MARCHF1: variants seen among roughly 807,000 people sequenced by gnomAD.
MARCHF1 encodes the protein membrane associated ring-CH-type finger 1.
In MARCHF1, 40 loss-of-function variants were observed where a neutral mutation model predicts 54.2. The ratio of observed to expected loss-of-function variants is 0.74; its 90% CI spans 0.57 to 0.96. The LOEUF (loss-of-function observed/expected upper bound fraction) is 0.96. MARCHF1 is among the 40% of genes least tolerant of loss of function. The pLI is 0.00. For missense variants in MARCHF1, 586 were observed against 656.5 expected (o/e 0.89, Z 1.17); for synonymous variants, 236 against 236.3 (o/e 1.00, Z 0.01).
intron 3 of MARCHF1, among the ~76,000 whole-genome samples, chr4:163,900,336 G>T (rs1750910934): frequency 1.4e-5 from 2 of 143,382 alleles, no homozygotes; most frequent in African/African-American, 5.1e-5. Context: ...CAGAGTATAG[G>T]TCCTTTTTTT....
intron 3 of MARCHF1, among the ~76,000 whole-genome samples, chr4:163,896,552 C>G (rs145089910): frequency 6.6e-6 from 1 of 152,082 alleles, no homozygotes; most frequent in East Asian, 1.9e-4. Flanking sequence ...TGTCCCTCTA[C>G]GACACTTCTT....
intron 2 of MARCHF1, among the ~76,000 whole-genome samples, chr4:164,040,496 A>G (rs1754105592): frequency 6.7e-6 from 1 of 149,452 alleles, no homozygotes; most frequent in East Asian, 1.9e-4. Flanking sequence ...ATAGATATAA[A>G]AATATTTTTA....
rs1320692242 is a variant in MARCHF1, at chr4:164,091,409, T to TA, written c.-248+20178_-248+20179insT. ...CAACAGGGGATAATTTTCACCAAGTTTTATATATATATATATATATGTATA... is the reference window on the plus strand; with the variant it reads ...CAACAGGGGATAATTTTCACCAAGTTATTATATATATATATATATATGTATA... On this transcript the variant is annotated intron_variant, in intron 2 of 9. Transcript: ENST00000514618. 6.5e-3 allele frequency among the ~76,000 whole-genome samples: 428 copies of TA among 66,138 alleles called. 3 individuals are homozygous for TA. The highest frequency in any genetic ancestry group is 0.02 in the African/African-American group (408 of 20,370). 43.4% of individuals were successfully genotyped at this position (66,138 alleles called of 152,430 possible). A position where few individuals can be genotyped will look rare whatever the true frequency, so the allele number is the denominator to read the frequency against.
At chr4:164,268,765 A>C (rs1733673003) in intron 1 of MARCHF1, among the ~76,000 whole-genome samples, 1 of 152,182 alleles carries the variant, frequency 6.6e-6, no homozygotes, top group Admixed American at 6.6e-5. Flanking sequence ...AAAAAGAATC[A>C]CACATTGATC....
chr4:164,151,309 A>G lies in MARCHF1; in HGVS notation c.-322-39647T>C, dbSNP rs143827640. Among the ~76,000 whole-genome samples, 1,317 of 152,302 alleles carry G rather than the reference A, an allele frequency of 8.6e-3. 22 individuals are homozygous for G. Among genetic ancestry groups the G allele is most frequent in the African/African-American group, 0.03 (1,237 of 41,560 alleles). On this transcript the variant is annotated intron_variant, in intron 1 of 9. Transcript: ENST00000514618. ...ATTTGAATTTTGAAAGATTGGTTGCAAGTCCATTTGTTCATTAAGTTCAAA... is the reference window on the plus strand; with the variant it reads ...ATTTGAATTTTGAAAGATTGGTTGCGAGTCCATTTGTTCATTAAGTTCAAA...
chr4:164,375,331 A>C (rs1349589485), intron 1 of MARCHF1, among the ~76,000 whole-genome samples: 1 of 152,216 alleles, frequency 6.6e-6, no homozygotes, highest in Non-Finnish European at 1.5e-5. Context: ...ATAACTAGCA[A>C]AAATATATAA....
chr4:163,552,659 C>G (rs1267681989), intron 8 of MARCHF1, among the ~76,000 whole-genome samples: 1 of 152,154 alleles, frequency 6.6e-6, no homozygotes, highest in Non-Finnish European at 1.5e-5. Context: ...CACACTCAGG[C>G]CTCGTTGAAT....
chr4:163,785,957 AAAG>A (rs1470872013), intron 4 of MARCHF1, among the ~76,000 whole-genome samples: 2 of 152,056 alleles, frequency 1.3e-5, no homozygotes, highest in Non-Finnish European at 1.5e-5. Context: ...AAGATATTAT[AAAG>A]AAGAAGAGGT....
rs982167058 is a variant in MARCHF1, at chr4:163,926,537, A to G, written c.-39+61964T>C. Among the ~76,000 whole-genome samples the G allele has an allele frequency of 2.0e-5, 3 of 151,728 alleles. No individual in the cohort carries two copies. In the South Asian group the frequency reaches 6.2e-4, roughly 31 times the overall value. ...TTTCTGGCAAAAGGCATTGATTCAG[A>G]TTTAGTAATTATGTCTAATCCTTCT... On this transcript the variant is annotated intron_variant, in intron 3 of 9. Coordinates refer to ENST00000514618, the MANE Select transcript of MARCHF1 (RefSeq NM_001394959.1).
At chr4:164,207,094 T>G (rs1226324745) in intron 1 of MARCHF1, among the ~76,000 whole-genome samples, 1 of 152,204 alleles carries the variant, frequency 6.6e-6, no homozygotes, top group Non-Finnish European at 1.5e-5. Context: ...AAAGTTCTTT[T>G]CCTCATTGAT....
intron 3 of MARCHF1, among the ~76,000 whole-genome samples, chr4:163,941,436 T>C (rs1039312595): frequency 5.9e-5 from 9 of 152,078 alleles, no homozygotes; most frequent in African/African-American, 1.9e-4. Flanking sequence ...GTGGCACCAG[T>C]TGGAAAACAC....
intron 3 of MARCHF1, among the ~76,000 whole-genome samples, chr4:163,897,469 A>T (rs1423487446): frequency 1.3e-5 from 2 of 152,184 alleles, no homozygotes; most frequent in Non-Finnish European, 2.9e-5. Flanking sequence ...ACTTCAAATT[A>T]TACTATAAGG....
At position 163,843,526 on chromosome 4, in the gene MARCHF1, G is replaced by GT. The variant is rs540331418; in HGVS notation, c.111+10494dup. Among the ~76,000 whole-genome samples the GT allele has an allele frequency of 7.9e-3, 1,178 of 148,792 alleles. 11 individuals are homozygous for GT. Among genetic ancestry groups the GT allele is most frequent in the African/African-American group, 0.022 (904 of 40,616 alleles). On this transcript the variant is annotated intron_variant, in intron 4 of 9. Coordinates refer to ENST00000514618, the MANE Select transcript of MARCHF1 (RefSeq NM_001394959.1). Reference sequence around the variant, plus strand: ...TTTCTCTGCAACCTTGCCAACACCTGTTTTTTTTTTAATTATTATTTTTTA... The same window carrying GT: ...TTTCTCTGCAACCTTGCCAACACCTGTTTTTTTTTTTAATTATTATTTTTTA...
intron 1 of MARCHF1, among the ~76,000 whole-genome samples, chr4:164,141,712 T>A (rs1363659007): frequency 1.3e-5 from 2 of 152,224 alleles, no homozygotes; most frequent in Non-Finnish European, 2.9e-5. Context: ...CAGAAATAAC[T>A]GTTGAAAATC....
At chr4:164,177,806 GACACACACACAC>G in intron 1 of MARCHF1, among the ~76,000 whole-genome samples, 1 of 149,312 alleles carries the variant, frequency 6.7e-6, no homozygotes, top group African/African-American at 2.5e-5. Flanking sequence ...GTATGAAAGA[GACACACACACAC>G]ACACACACAC....
In MARCHF1 at chr4:164,142,873, TGAGCTACGG is replaced by T. The variant is rs1256607413; in HGVS notation, c.-322-31220_-322-31212del. Reference sequence around the variant, plus strand: ...AAGGCTTCAGACGATCAAATTACTCTGAGCTACGGGAGGACATTCAAACCAAAGGCAAAG... The same window carrying T: ...AAGGCTTCAGACGATCAAATTACTCTGAGGACATTCAAACCAAAGGCAAAG... On this transcript the variant is annotated intron_variant, in intron 1 of 9. Transcript: ENST00000514618. 2.6e-5 allele frequency among the ~76,000 whole-genome samples: 4 copies of T among 152,108 alleles called. No individual in the cohort carries two copies. The East Asian group carries it at 5.8e-4, about 22-fold the overall frequency.
intron 1 of MARCHF1, among the ~76,000 whole-genome samples, chr4:164,245,609 G>C (rs1244123296): frequency 6.6e-5 from 10 of 151,926 alleles, no homozygotes; most frequent in African/African-American, 1.9e-4. Flanking sequence ...GGGCAATCAG[G>C]CAGGAGAAGG....
intron 4 of MARCHF1, among the ~76,000 whole-genome samples, chr4:163,712,592 C>T (rs147754232): frequency 3.3e-5 from 5 of 152,252 alleles, no homozygotes; most frequent in Admixed American, 3.3e-4. Context: ...CTCCATTATT[C>T]AACTCTTTCT....
chr4:164,220,223 TAC>T (rs1242173883), intron 1 of MARCHF1, among the ~76,000 whole-genome samples: 20 of 147,354 alleles, frequency 1.4e-4, no homozygotes, highest in African/African-American at 5.1e-4. Flanking sequence ...TATATATATA[TAC>T]ACACATACAT....
Sources: gnomAD v4.1 joint callset for allele counts (sites outside exome capture counted in the v4.1 genomes callset) on GRCh38, gnomAD v4.1.1 for gene constraint, MANE v1.5 for transcripts, NCBI Gene and HGNC (gene_info 2026-07-23, HGNC 2026-07-21) for gene names.